LTBP1: variants seen among roughly 807,000 people sequenced by gnomAD.
LTBP1 encodes the protein latent transforming growth factor beta binding protein 1.
Under a neutral mutation model 207.6 loss-of-function variants are expected in LTBP1, and 129 were observed. The observed-to-expected ratio is 0.62, with a 90% CI of 0.54 to 0.72. LTBP1 has a LOEUF of 0.72. LTBP1 is among the 30% of genes least tolerant of loss of function. LTBP1 has a pLI of 0.00. For synonymous variants in LTBP1, 963 were observed against 833.7 expected (o/e 1.16, Z -2.67); for missense variants, 2,281 against 2,217.2 (o/e 1.03, Z -0.58).
chr2:33,177,741 C>G (rs1364391007), intron 5 of LTBP1, among the ~76,000 whole-genome samples: 2 of 152,134 alleles, frequency 1.3e-5, no homozygotes, highest in East Asian at 3.9e-4. Context: ...TTACCATCTG[C>G]CAATGGAATA....
intron 3 of LTBP1, among the ~76,000 whole-genome samples, chr2:33,088,293 G>C (rs219110): frequency 9.9e-5 from 15 of 152,060 alleles, no homozygotes; most frequent in African/African-American, 3.6e-4. Flanking sequence ...TTCTACTAAA[G>C]ATACAAAAAT....
At chr2:33,072,645 T>G (rs1174969836) in intron 3 of LTBP1, among the ~76,000 whole-genome samples, 1 of 152,100 alleles carries the variant, frequency 6.6e-6, no homozygotes, top group Non-Finnish European at 1.5e-5. Context: ...GAGAGAGAGA[T>G]TTGTTTTTTG....
At chr2:33,280,326 T>C (rs149416974) in intron 19 of LTBP1, among the ~76,000 whole-genome samples, 168 bp downstream of exon 19, 154 of 152,076 alleles carry the variant, frequency 1.0e-3, no homozygotes, top group African/African-American at 2.7e-3. Flanking sequence ...AATAAGAAAA[T>C]GACTTAGCAT....
Position 33,328,126 on chromosome 2 carries a change from ACT to A in LTBP1, c.3730+12860_3730+12861del, listed in dbSNP as rs534256553. Among the ~76,000 whole-genome samples, 39 of 68,994 alleles carry A rather than the reference ACT, an allele frequency of 5.7e-4. No individual in the cohort carries two copies. In the East Asian group the frequency reaches 6.5e-3, roughly 12 times the overall value. 45.3% of individuals were successfully genotyped at this position (68,994 alleles called of 152,430 possible). ...CTCTAGCTTGGACAACAAGAGTGAG[ACT>A]CTGTCTCAATAAATAAATAAATAAA... On this transcript the variant is annotated intron_variant, in intron 24 of 33. Transcript: ENST00000404816.
At chr2:33,276,936 A>G (rs749454) in intron 18 of LTBP1, among the ~76,000 whole-genome samples, 39,422 of 152,174 alleles carry the variant, frequency 0.26, 6,553 homozygotes, top group Non-Finnish European at 0.35. Context: ...CTTCTGCTAA[A>G]AACCTGTCAT....
chr2:33,179,920 C>G (rs182857451), intron 5 of LTBP1, among the ~76,000 whole-genome samples: 284 of 152,306 alleles, frequency 1.9e-3, no homozygotes, highest in Middle Eastern at 6.8e-3. Flanking sequence ...GGAATCGGGC[C>G]TGTGTCTGTA....
rs753379089 is a variant in LTBP1 at position 32,947,686 on chromosome 2, A to T, written c.362A>T (p.Asn121Ile). Residue 121 changes from asparagine to isoleucine, a missense_variant, in exon 1 of 34, where the codon AAT (asparagine) becomes ATT (isoleucine). By Grantham distance (149) the Asn-to-Ile change is moderately radical (BLOSUM62 -3). Transcript: ENST00000404816. Reference protein sequence around the residue: ...PAVPGGQLHPNPGGHPAAAPF... With the variant: ...PAVPGGQLHPIPGGHPAAAPF... The stretch of plus-strand genomic sequence containing the variant: ...GTCCCCGGCGGGCAGCTCCACCCCA[A>T]TCCCGGCGGCCACCCGGCAGCCGCC... 1.5e-5 allele frequency: 23 copies of T among 1,501,056 alleles called. No homozygotes were observed. Among genetic ancestry groups the T allele is most frequent in the Non-Finnish European group, 1.9e-5 (21 of 1,124,228 alleles). The allele number at this position is 1,501,056 out of a possible 1,614,324, so 93.0% of individuals were successfully genotyped here. A position where few individuals can be genotyped will look rare whatever the true frequency, so the allele number is the denominator to read the frequency against.
Position 32,948,880 on chromosome 2 carries a change from A to G in LTBP1, c.500A>G (p.Asn167Ser), listed in dbSNP as rs764343043. Residue 167 changes from asparagine to serine, a missense_variant, in exon 2 of 34, where the codon AAT becomes AGT. By Grantham distance (46) the Asn-to-Ser change is conservative (BLOSUM62 1). Transcript: ENST00000404816. The part of the protein sequence containing the change: ...VHQKQQLQGV[N>S]VCGGRCCHGW... ...GCGATCTTGCTTTGTTTCAGGGTCA[A>G]TGTCTGTGGAGGGCGGTGCTGTCAT... 25 of 1,614,002 alleles carry G rather than the reference A, an allele frequency of 1.5e-5. No homozygotes were observed. The highest frequency in any genetic ancestry group is 1.8e-5 in the Non-Finnish European group (21 of 1,180,012).
chr2:33,058,517 C>T (rs754026639), intron 3 of LTBP1, among the ~76,000 whole-genome samples: 1 of 152,182 alleles, frequency 6.6e-6, no homozygotes, highest in Non-Finnish European at 1.5e-5. Flanking sequence ...TTTCTCCCCC[C>T]TTCTTTTCAA....
chr2:33,175,198 A>G (rs572750540), intron 5 of LTBP1, among the ~76,000 whole-genome samples: 19 of 151,168 alleles, frequency 1.3e-4, no homozygotes, highest in African/African-American at 3.1e-4. Context: ...AGCAAAAGAA[A>G]CTACCATCAG....
chr2:33,214,061 T>C (rs1196941295), intron 7 of LTBP1, among the ~76,000 whole-genome samples: 1 of 152,210 alleles, frequency 6.6e-6, no homozygotes, highest in Non-Finnish European at 1.5e-5. Flanking sequence ...TTTAAGCATA[T>C]AAAATCAGCA....
intron 5 of LTBP1, among the ~76,000 whole-genome samples, chr2:33,149,586 A>G (rs1041355381): frequency 6.6e-6 from 1 of 152,162 alleles, no homozygotes; most frequent in Non-Finnish European, 1.5e-5. Flanking sequence ...GGCTTGATTT[A>G]CATTTGATAA....
intron 3 of LTBP1, among the ~76,000 whole-genome samples, chr2:33,069,705 C>G (rs1248675021): frequency 1.3e-5 from 2 of 152,222 alleles, no homozygotes; most frequent in African/African-American, 4.8e-5. Context: ...GAATGAACAT[C>G]ATGCAGTTTT....
chr2:33,217,592 G>A lies in LTBP1; in HGVS notation c.1742G>A (p.Cys581Tyr). ...ALPGLSKQEDCCGTVGTSWGF... is the reference protein window; with the variant it reads ...ALPGLSKQEDYCGTVGTSWGF... ...CCTGGCCTTTCAAAGCAAGAGGACT[G>A]CTGTGGAACTGTGGGTACCTCCTGG... The change falls in exon 8 of 34, where the codon TGC (cysteine) becomes TAC (tyrosine). Residue 581 changes from cysteine to tyrosine, a missense_variant. Coordinates refer to ENST00000404816, the MANE Select transcript of LTBP1 (RefSeq NM_206943.4). 1 of 1,613,966 alleles carries A rather than the reference G, an allele frequency of 6.2e-7. No individual in the cohort carries two copies. Among genetic ancestry groups the A allele is most frequent in the Non-Finnish European group, 8.5e-7 (1 of 1,179,886 alleles).
At chr2:33,043,069 AGGCCTATAATCCCCAAAC>A (rs1188750484) in intron 3 of LTBP1, among the ~76,000 whole-genome samples, 8 of 152,186 alleles carry the variant, frequency 5.3e-5, no homozygotes, top group Non-Finnish European at 1.2e-4. Context: ...AGCCTCAGGG[AGGCCTATAATCCCCAAAC>A]GGCTGTGAAC....
intron 13 of LTBP1, among the ~76,000 whole-genome samples, 177 bp from the exon 14 acceptor site, chr2:33,262,545 T>C (rs1432788633): frequency 6.6e-6 from 1 of 151,440 alleles, no homozygotes; most frequent in Non-Finnish European, 1.5e-5. Context: ...AGGTTCTTTT[T>C]TTTTTTTTTT....
chr2:33,225,505 A>G (rs981337416), intron 9 of LTBP1, among the ~76,000 whole-genome samples: 1 of 152,212 alleles, frequency 6.6e-6, no homozygotes, highest in Non-Finnish European at 1.5e-5. Flanking sequence ...AGCAGGCAAA[A>G]GAGAACTTGT....
rs376039063 is a variant in LTBP1 at position 33,134,877 on chromosome 2, G to A, written c.1118G>A (p.Ser373Asn). ...TGCACCAAGGGCAGCTGTCAGAACA[G>A]CTGTGAGAAGGGGAACACCACCACT... ...VTCTKGSCQNSCEKGNTTTLI... is the reference protein window; with the variant it reads ...VTCTKGSCQNNCEKGNTTTLI... Residue 373 changes from serine to asparagine, a missense_variant, in exon 5 of 34, where the codon AGC becomes AAC. Around this residue, in one of 3 missense-constraint regions of LTBP1, gnomAD observed 55 missense variants for 91.5 expected, o/e 0.60. Transcript: ENST00000404816. This position sits in a 1 kb window ranked among gnomAD's most constrained non-coding sequence, Gnocchi z 4.4. 3.1e-6 allele frequency: 5 copies of A among 1,614,102 alleles called. No homozygotes were observed.
At chr2:33,004,292 C>G (rs1384657727) in intron 2 of LTBP1, among the ~76,000 whole-genome samples, 1 of 152,038 alleles carries the variant, frequency 6.6e-6, no homozygotes, top group African/African-American at 2.4e-5. Flanking sequence ...CCCATCCTGA[C>G]AGTCAGTGAC....
Sources: gnomAD v4.1 joint callset for allele counts (sites outside exome capture counted in the v4.1 genomes callset) on GRCh38, gnomAD v4.1.1 for gene constraint, gnomAD v4.1.1 regional missense constraint, Gnocchi (gnomAD v3.1) non-coding constraint, MANE v1.5 for transcripts, NCBI Gene and HGNC (gene_info 2026-07-23, HGNC 2026-07-21) for gene names.